The following CCDC73 variants were observed in gnomAD, a reference collection of about 807,000 sequenced individuals.
CCDC73 encodes the protein coiled-coil domain containing 73, also known as coiled-coil domain-containing protein 73.
Under a neutral mutation model 116.5 loss-of-function variants are expected in CCDC73, and 95 were observed. That is an observed-to-expected ratio of 0.82 (90% CI 0.69 to 0.97). The LOEUF is 0.97. Among genes scored for constraint, CCDC73 ranks in the 50% least tolerant of loss-of-function variants. The pLI is 0.00. For missense variants in CCDC73, 1,066 were observed against 1,206.8 expected (o/e 0.88, Z 1.73); for synonymous variants, 398 against 401.3 (o/e 0.99, Z 0.10).
At chr11:32,721,294 C>T (rs577406223) in intron 2 of CCDC73, among the ~76,000 whole-genome samples, 28 of 151,774 alleles carry the variant, frequency 1.8e-4, no homozygotes, top group Non-Finnish European at 3.8e-4. Flanking sequence ...CAAAGTGCTG[C>T]GATTACAGGA....
intron 17 of CCDC73, among the ~76,000 whole-genome samples, chr11:32,608,995 G>A (rs955314039): frequency 9.2e-5 from 14 of 152,166 alleles, no homozygotes; most frequent in Admixed American, 2.6e-4. Flanking sequence ...CCTGAGCCCC[G>A]CCCACAAAAC....
intron 9 of CCDC73, among the ~76,000 whole-genome samples, chr11:32,660,317 T>C (rs1855911670): frequency 6.7e-6 from 1 of 149,386 alleles, no homozygotes. Flanking sequence ...AGTTCCATGG[T>C]ACCCCTCCAG....
intron 13 of CCDC73, among the ~76,000 whole-genome samples, chr11:32,638,636 G>A (rs1200347010): frequency 1.3e-5 from 2 of 151,912 alleles, no homozygotes; most frequent in Non-Finnish European, 2.9e-5. Context: ...GTGCCACCAT[G>A]CCTGGCTAAT....
At chr11:32,706,632 C>T (rs1171043752) in intron 3 of CCDC73, among the ~76,000 whole-genome samples, 1 of 152,134 alleles carries the variant, frequency 6.6e-6, no homozygotes, top group Non-Finnish European at 1.5e-5. Context: ...TATTCAACTT[C>T]TCATTTTATT....
chr11:32,805,932 C>T, the CCDC73 span, among the ~76,000 whole-genome samples: 1 of 152,180 alleles, frequency 6.6e-6, no homozygotes, highest in South Asian at 2.1e-4. Flanking sequence ...TCAATTCAAA[C>T]TACAATGCCA....
At chr11:32,679,176 A>T (rs915063223) in intron 7 of CCDC73, among the ~76,000 whole-genome samples, 1 of 152,118 alleles carries the variant, frequency 6.6e-6, no homozygotes, top group Admixed American at 6.6e-5. Context: ...TGGAGAGCTT[A>T]TGCCTACCTG....
intron 2 of CCDC73, among the ~76,000 whole-genome samples, chr11:32,741,823 C>CA (rs1850189866): frequency 6.6e-6 from 1 of 151,936 alleles, no homozygotes; most frequent in Non-Finnish European, 1.5e-5. Flanking sequence ...ACCCACCCCC[C>CA]ACAGGCCCCT....
At chr11:32,811,549 G>A in the CCDC73 span, among the ~76,000 whole-genome samples, 1 of 152,078 alleles carries the variant, frequency 6.6e-6, no homozygotes, top group Non-Finnish European at 1.5e-5. Flanking sequence ...TAGAAAAGAG[G>A]TTTATTTGGT....
At chr11:32,653,271 G>A in intron 11 of CCDC73, 44 bp from the exon 12 acceptor site, 1 of 1,226,614 alleles carries the variant, frequency 8.2e-7, no homozygotes, top group South Asian at 1.3e-5. Context: ...TTTTAAGATA[G>A]GTATGTTTCT....
chr11:32,828,024 G>A, the CCDC73 span, among the ~76,000 whole-genome samples: 1 of 152,064 alleles, frequency 6.6e-6, no homozygotes, highest in Non-Finnish European at 1.5e-5. Flanking sequence ...TAGACCACGA[G>A]GTAGACAAAT....
chr11:32,737,056 C>A (rs192806097), intron 2 of CCDC73, among the ~76,000 whole-genome samples: 1 of 151,450 alleles, frequency 6.6e-6, no homozygotes, highest in Non-Finnish European at 1.5e-5. Context: ...CTAGTAGCTG[C>A]AACTCCAGGT....
rs1849805054 is a variant in CCDC73, at chr11:32,700,812, C to T, written c.294G>A (p.Met98Ile). 6.9e-7 allele frequency: 1 copy of T among 1,445,114 alleles called. No individual in the cohort carries two copies. Among genetic ancestry groups the T allele is most frequent in the African/African-American group, 1.4e-5 (1 of 69,954 alleles). 89.5% of individuals were successfully genotyped at this position (1,445,114 alleles called of 1,614,324 possible). Residue 98 changes from methionine to isoleucine, a missense_variant, in exon 5 of 18, where the codon ATG becomes ATA. Coordinates refer to ENST00000335185, the MANE Select transcript of CCDC73 (RefSeq NM_001008391.4). ...AVFKKQLQMKMCALEEEKGKY... is the reference protein window; with the variant it reads ...AVFKKQLQMKICALEEEKGKY... The stretch of plus-strand genomic sequence containing the variant: ...ATACCTTTTCTTCTTCCAGGGCACA[C>T]ATCTTCATCTGCAACTGATAAACAA...
At chr11:32,815,585 G>T in the CCDC73 span, among the ~76,000 whole-genome samples, 1 of 152,122 alleles carries the variant, frequency 6.6e-6, no homozygotes, top group African/African-American at 2.4e-5. Context: ...TATTCTTCTG[G>T]GTGAGAAAGA....
chr11:32,757,191 A>C (rs942101278), intron 2 of CCDC73, among the ~76,000 whole-genome samples: 4 of 152,054 alleles, frequency 2.6e-5, no homozygotes, highest in Non-Finnish European at 5.9e-5. Context: ...AACTTGCACA[A>C]AAAAAATACT....
At chr11:32,693,345 G>C (rs1293536785) in intron 6 of CCDC73, among the ~76,000 whole-genome samples, 1 of 152,154 alleles carries the variant, frequency 6.6e-6, no homozygotes, top group African/African-American at 2.4e-5. Flanking sequence ...GTTTCAACTT[G>C]GGGGGTTGGG....
At chr11:32,637,830 T>G (rs1361977901) in intron 13 of CCDC73, among the ~76,000 whole-genome samples, 1 of 152,202 alleles carries the variant, frequency 6.6e-6, no homozygotes, top group Admixed American at 6.5e-5. Context: ...TGCTAATAAA[T>G]CTTAAATCTA....
At chr11:32,803,078 GGTTT>G in the CCDC73 span, among the ~76,000 whole-genome samples, 3 of 147,914 alleles carry the variant, frequency 2.0e-5, no homozygotes, top group Admixed American at 1.3e-4. Flanking sequence ...TTTACCATAA[GGTTT>G]GTTTGTTTGT....
intron 14 of CCDC73, among the ~76,000 whole-genome samples, chr11:32,618,990 G>A (rs1308518573): frequency 6.6e-6 from 1 of 152,138 alleles, no homozygotes; most frequent in Non-Finnish European, 1.5e-5. Context: ...TTTGAGAGGT[G>A]TCTGTTCATG....
chr11:32,641,215 CA>C (rs1458978043), intron 13 of CCDC73, among the ~76,000 whole-genome samples: 1 of 151,940 alleles, frequency 6.6e-6, no homozygotes, highest in African/African-American at 2.4e-5. Context: ...CATACCTTCC[CA>C]AAATATAGCT....
Sources: allele counts gnomAD v4.1 joint callset (sites outside exome capture counted in the v4.1 genomes callset), GRCh38; gene constraint gnomAD v4.1.1; transcripts MANE v1.5; gene names NCBI Gene and HGNC (gene_info 2026-07-23, HGNC 2026-07-21).